ME3: variants seen among roughly 807,000 people sequenced by gnomAD.
The protein encoded by ME3 is malic enzyme 3, also known as NADP-dependent malic enzyme, mitochondrial.
In ME3, 48 loss-of-function variants were observed where a neutral mutation model predicts 68.9. The observed-to-expected ratio is 0.70, with a 90% CI of 0.55 to 0.89. The LOEUF is 0.89. ME3 is among the 40% of genes least tolerant of loss of function. The pLI, the probability that ME3 is intolerant of heterozygous loss-of-function variation, is 0.00. For synonymous variants in ME3, 320 were observed against 318.8 expected, an observed-to-expected ratio of 1.00 and a Z score of -0.04; for missense variants, 675 against 797.4, an observed-to-expected ratio of 0.85 and a Z score of 1.85.
intron 2 of ME3, among the ~76,000 whole-genome samples, chr11:86,656,733 A>C (rs1177128512): frequency 1.3e-5 from 2 of 152,080 alleles, no homozygotes; most frequent in Non-Finnish European, 2.9e-5. Context: ...ATGTACCCTA[A>C]AACTTAAAGT....
In ME3 at chr11:86,452,007, T is replaced by C. The variant is rs976742104; in HGVS notation, c.920-1609A>G. Among the ~76,000 whole-genome samples, 7 of 152,328 alleles carry C rather than the reference T, an allele frequency of 4.6e-5. No individual in the cohort carries two copies. The East Asian group carries it at 1.2e-3, about 25-fold the overall frequency. On this transcript the variant is annotated intron_variant, in intron 8 of 14. Coordinates refer to ENST00000543262, the Ensembl canonical transcript of ME3. ...ATGGAGATAATGAGCTTCTGTTTTA[T>C]GGGATGCAATGTATTATGACTTAGC...
chr11:86,452,194 T>C (rs774219112), intron 8 of ME3, among the ~76,000 whole-genome samples: 2 of 152,210 alleles, frequency 1.3e-5, no homozygotes, highest in Non-Finnish European at 2.9e-5. Flanking sequence ...TTGGAGGTCT[T>C]AGTTGCCAAG....
At chr11:86,559,142 C>G (rs1214159622) in intron 3 of ME3, among the ~76,000 whole-genome samples, 1 of 152,138 alleles carries the variant, frequency 6.6e-6, no homozygotes, top group Non-Finnish European at 1.5e-5. Flanking sequence ...GTCTGGATCC[C>G]CATTGGAGGA....
At chr11:86,448,061 CT>C in intron 11 of ME3, 88 bp downstream of exon 11, 1 of 899,678 alleles carries the variant, frequency 1.1e-6, no homozygotes, top group Non-Finnish European at 1.8e-6. Context: ...CCATGGGTTA[CT>C]TAGGCTTCCT....
At chr11:86,537,647 A>C (rs929735995) in intron 4 of ME3, among the ~76,000 whole-genome samples, 4 of 152,218 alleles carry the variant, frequency 2.6e-5, no homozygotes, top group African/African-American at 9.6e-5. Context: ...AATCAATTCC[A>C]TCTGTTCCCA....
chr11:86,476,145 G>A (rs1299712045), intron 7 of ME3, among the ~76,000 whole-genome samples: 1 of 152,158 alleles, frequency 6.6e-6, no homozygotes. Flanking sequence ...CCTCAGCTAA[G>A]CTTTTGGCAG....
At position 86,593,687 on chromosome 11, in the gene ME3, CCTAT is replaced by C. The variant is rs1352440337; in HGVS notation, c.184-33868_184-33865del. On this transcript the variant is annotated intron_variant, in intron 2 of 14. Transcript: ENST00000543262. ...CTGTATCATTTTGTTCTATTTTCTTCCTATCTTTTTTCTATGCTTAAAAAAATTT... is the reference window on the plus strand; with the variant it reads ...CTGTATCATTTTGTTCTATTTTCTTCCTTTTTTCTATGCTTAAAAAAATTT... Among the ~76,000 whole-genome samples the C allele has an allele frequency of 2.5e-4, 36 of 146,640 alleles. 5 individuals are homozygous for C. The highest frequency in any genetic ancestry group is 7.5e-4 in the African/African-American group (30 of 39,942).
At chr11:86,584,896 C>T (rs1488560410) in intron 2 of ME3, among the ~76,000 whole-genome samples, 1 of 152,052 alleles carries the variant, frequency 6.6e-6, no homozygotes, top group African/African-American at 2.4e-5. Context: ...GATAACAATA[C>T]CATATTATAC....
chr11:86,563,620 T>C lies in ME3; in HGVS notation c.184-3797A>G, dbSNP rs190994482. ...AAATCTTAGATGCACTGAGTTAATT[T>C]TTATATATGGTAAAACGAAGAGGTC... On this transcript the variant is annotated intron_variant, in intron 2 of 14. Coordinates refer to ENST00000543262, the Ensembl canonical transcript of ME3. Among the ~76,000 whole-genome samples the C allele has an allele frequency of 1.0e-3, 152 of 152,324 alleles. 1 individual carries two copies. Among genetic ancestry groups the C allele is most frequent in the African/African-American group, 3.6e-3 (148 of 41,574 alleles).
intron 3 of ME3, among the ~76,000 whole-genome samples, chr11:86,559,376 C>T (rs896530002): frequency 6.6e-6 from 1 of 152,166 alleles, no homozygotes; most frequent in African/African-American, 2.4e-5. Context: ...CCATTGCTGT[C>T]TGCTGAAATC....
At chr11:86,446,037 A>G (rs1949265679) in intron 13 of ME3, among the ~76,000 whole-genome samples, 2 of 152,046 alleles carry the variant, frequency 1.3e-5, no homozygotes, top group African/African-American at 4.8e-5. Flanking sequence ...CATTGCTAGG[A>G]CGCAGGGGGC....
intron 2 of ME3, among the ~76,000 whole-genome samples, chr11:86,652,682 T>C (rs1194051228): frequency 2.0e-5 from 3 of 150,964 alleles, no homozygotes; most frequent in Non-Finnish European, 4.4e-5. Context: ...AGAAACTGCA[T>C]CAACTAATGA....
At chr11:86,616,424 A>G (rs1473288729) in intron 2 of ME3, among the ~76,000 whole-genome samples, 1 of 152,232 alleles carries the variant, frequency 6.6e-6, no homozygotes. Flanking sequence ...CTATATGGAA[A>G]TAAGCAAGTC....
intron 4 of ME3, among the ~76,000 whole-genome samples, chr11:86,537,333 A>G (rs1468248298): frequency 6.6e-6 from 1 of 151,134 alleles, no homozygotes; most frequent in Non-Finnish European, 1.5e-5. Context: ...ATTATATATA[A>G]TATTAAATAT....
chr11:86,650,727 G>C (rs1945348475), intron 2 of ME3, among the ~76,000 whole-genome samples: 1 of 152,212 alleles, frequency 6.6e-6, no homozygotes, highest in African/African-American at 2.4e-5. Flanking sequence ...CATCTCACCA[G>C]GGATTGTCAG....
intron 7 of ME3, among the ~76,000 whole-genome samples, chr11:86,466,838 G>A (rs647561): frequency 0.3 from 44,966 of 152,024 alleles, 7,049 homozygotes; most frequent in Non-Finnish European, 0.33. Flanking sequence ...AGTGCTGGGC[G>A]TGGGTTAGAA....
chr11:86,653,151 C>G (rs535410449), intron 2 of ME3, among the ~76,000 whole-genome samples: 326 of 152,282 alleles, frequency 2.1e-3, no homozygotes, highest in African/African-American at 7.4e-3. Context: ...TAATGGGAGA[C>G]TTTAACACCC....
At chr11:86,616,980 G>A (rs1188290115) in intron 2 of ME3, among the ~76,000 whole-genome samples, 1 of 144,742 alleles carries the variant, frequency 6.9e-6, no homozygotes, top group East Asian at 2.1e-4. Flanking sequence ...TGGGTAAGGG[G>A]TATACATGAA....
rs368491184 is a variant in ME3 at position 86,472,012 on chromosome 11, A to T, written c.810-6812T>A. 4.8e-4 allele frequency among the ~76,000 whole-genome samples: 73 copies of T among 152,234 alleles called. 2 individuals are homozygous for T. In the South Asian group the frequency reaches 0.015, roughly 31 times the overall value. ...GGGCAGGCAGCTCTGCAGCGGGGAG[A>T]GGCAATGAGGGCTTCACAGGGCAGG... On this transcript the variant is annotated intron_variant, in intron 7 of 14. Coordinates refer to ENST00000543262, the Ensembl canonical transcript of ME3.
Sources: allele counts gnomAD v4.1 joint callset (sites outside exome capture counted in the v4.1 genomes callset), GRCh38; gene constraint gnomAD v4.1.1; transcripts MANE v1.5; gene names NCBI Gene and HGNC (gene_info 2026-07-23, HGNC 2026-07-21).